The following DGKZ variants were observed in gnomAD, a reference collection of about 807,000 sequenced individuals.
The protein encoded by DGKZ is DAG kinase zeta.
Under a neutral mutation model 142.5 loss-of-function variants are expected in DGKZ, and 45 were observed. That is an observed-to-expected ratio of 0.32 (90% CI 0.25 to 0.40). The LOEUF (loss-of-function observed/expected upper bound fraction) is 0.40, where lower values mean the gene tolerates loss of function less well. Among genes scored for constraint, DGKZ ranks in the 10% least tolerant of loss-of-function variants. The probability of loss-of-function intolerance (pLI) is 1.00; values close to 1 mark genes in which losing one functional copy is unlikely to be tolerated. For synonymous variants in DGKZ, 442 were observed against 527.0 expected (o/e 0.84, Z 2.21); for missense variants, 755 against 1,306.5 (o/e 0.58, Z 6.51).
At chr11:46,335,427 G>GCACACA (rs56935902) in intron 1 of DGKZ, among the ~76,000 whole-genome samples, 8 of 147,842 alleles carry the variant, frequency 5.4e-5, no homozygotes, top group African/African-American at 2.0e-4. Flanking sequence ...ACACGTGCAC[G>GCACACA]CACACACACA....
At chr11:46,355,678 T>A (rs1351032057) in intron 1 of DGKZ, among the ~76,000 whole-genome samples, 1 of 146,238 alleles carries the variant, frequency 6.8e-6, no homozygotes, top group Non-Finnish European at 1.5e-5. Flanking sequence ...GAGAGTGGGG[T>A]GGGGCCCTGG....
Position 46,372,249 on chromosome 11 carries a change from A to G in DGKZ, c.927+79A>G. 7.0e-7 allele frequency: 1 copy of G among 1,431,376 alleles called. No homozygotes were observed. The highest frequency in any genetic ancestry group is 9.5e-7 in the Non-Finnish European group (1 of 1,052,608). 88.7% of individuals were successfully genotyped at this position (1,431,376 alleles called of 1,614,324 possible). ...CCCGTCTGCCAGCAGCTGTTCCCAG[A>G]GCCCGTTTCTGGCTTCTACCCCAAT... On this transcript the variant is annotated intron_variant, in intron 10 of 30. Coordinates refer to ENST00000527911, the Ensembl canonical transcript of DGKZ. This position sits in a 1 kb window ranked among gnomAD's most constrained non-coding sequence, Gnocchi z 5.9.
Position 46,375,645 on chromosome 11 carries a change from TGC to T in DGKZ, c.1910+15_1910+16del, listed in dbSNP as rs1306169367. 2 of 1,544,202 alleles carry T rather than the reference TGC, an allele frequency of 1.3e-6. No individual in the cohort carries two copies. Among genetic ancestry groups the T allele is most frequent in the Non-Finnish European group, 1.7e-6 (2 of 1,149,698 alleles). Reference sequence around the variant, plus strand: ...CCTGCACAGCGAGTACGTCCCACCCTGCCACGTGCCCTGGGTGCCAAGGCCAG... The same window carrying T: ...CCTGCACAGCGAGTACGTCCCACCCTCACGTGCCCTGGGTGCCAAGGCCAG... On this transcript the variant is annotated intron_variant, in intron 20 of 30. Transcript: ENST00000527911.
At chr11:46,377,585 C>A in intron 25 of DGKZ, 1 of 285,856 alleles carries the variant, frequency 3.5e-6, no homozygotes, top group Non-Finnish European at 6.6e-6. Context: ...CATCTCCATA[C>A]CACGGTCAAC....
chr11:46,369,697 C>T (rs573795420), intron 5 of DGKZ, 147 bp downstream of exon 5: 432 of 1,100,768 alleles, frequency 3.9e-4, no homozygotes, highest in Non-Finnish European at 5.2e-4. Flanking sequence ...ATGCGGAGGC[C>T]TAACTAGCGC....
intron 1 of DGKZ, among the ~76,000 whole-genome samples, chr11:46,352,260 G>T (rs935557341): frequency 6.6e-6 from 1 of 152,242 alleles, no homozygotes; most frequent in Non-Finnish European, 1.5e-5. Context: ...AGGTGTGGAA[G>T]CAGCCCCTGG....
chr11:46,342,039 A>G (rs1384031354), intron 1 of DGKZ, among the ~76,000 whole-genome samples: 1 of 152,106 alleles, frequency 6.6e-6, no homozygotes, highest in Admixed American at 6.6e-5. Context: ...GCCCTGGTAC[A>G]TTTCTTTTCC....
In DGKZ at chr11:46,363,480, G is replaced by A. The variant is rs371949375; in HGVS notation, c.162-3811G>A. The stretch of plus-strand genomic sequence containing the variant: ...GCTGGGAGGGGCGGCATCATCGGCC[G>A]CCGAGGAGACTCCTGGACAGATGTG... On this transcript the variant is annotated intron_variant, in intron 1 of 30. Transcript: ENST00000527911. 1.3e-4 allele frequency among the ~76,000 whole-genome samples: 20 copies of A among 152,204 alleles called. 1 individual carries two copies. The highest frequency in any genetic ancestry group is 5.9e-4 in the Admixed American group (9 of 15,288).
At chr11:46,362,008 T>TCACC (rs1306533444) in intron 1 of DGKZ, 1 of 152,320 alleles carries the variant, frequency 6.6e-6, no homozygotes, top group Non-Finnish European at 1.5e-5. Context: ...GTGGTGAGTC[T>TCACC]CAGCCTGGGG....
At chr11:46,379,340 C>T (rs1013575663) in intron 29 of DGKZ, 104 bp downstream of exon 29, 23 of 1,577,314 alleles carry the variant, frequency 1.5e-5, no homozygotes, top group Non-Finnish European at 2.0e-5. Context: ...CTGGTCACAT[C>T]TGTCATCCCC....
intron 1 of DGKZ, among the ~76,000 whole-genome samples, chr11:46,340,053 C>T (rs113182643): frequency 6.6e-6 from 1 of 152,182 alleles, no homozygotes; most frequent in African/African-American, 2.4e-5. Flanking sequence ...CCGCAGCTTA[C>T]AAATGAGGAG....
chr11:46,338,495 CAAAAAAAAAAAAAAAAA>C (rs11337933), intron 1 of DGKZ: 1 of 18,154 alleles, frequency 5.5e-5, no homozygotes, highest in Non-Finnish European at 1.6e-4. Context: ...AACTCCATCT[CAAAAAAAAAAAAAAAAA>C]AAAAAAAAAA....
chr11:46,374,176 A>G (rs746121390), exon 15 of DGKZ: 3 of 1,614,222 alleles, frequency 1.9e-6, no homozygotes, highest in East Asian at 2.2e-5. Flanking sequence ...GATGTCTTCA[A>G]CAACTACTTC....
chr11:46,343,399 G>A (rs138899895), upstream of DGKZ, among the ~76,000 whole-genome samples: 12 of 152,256 alleles, frequency 7.9e-5, no homozygotes, highest in Admixed American at 4.6e-4. Context: ...TTTAAGGGTC[G>A]GGATAGCATC....
At chr11:46,351,169 T>G (rs769223724) in intron 1 of DGKZ, among the ~76,000 whole-genome samples, 16 of 152,142 alleles carry the variant, frequency 1.1e-4, no homozygotes, top group Non-Finnish European at 2.1e-4. Flanking sequence ...GCTTATCCTC[T>G]GGCCTGGTCT....
At chr11:46,366,083 C>G in intron 1 of DGKZ, 1 of 985,388 alleles carries the variant, frequency 1.0e-6, no homozygotes, top group Non-Finnish European at 1.2e-6. Context: ...GTGACCCCTC[C>G]CTCCCTCAGG....
At position 46,378,973 on chromosome 11, in the gene DGKZ, C is replaced by A; in HGVS notation, c.2419-18C>A. On this transcript the variant is annotated intron_variant, in intron 27 of 30. Transcript: ENST00000527911. The stretch of plus-strand genomic sequence containing the variant: ...GTGGCCCCAGGAGGTCCAGCCCTGC[C>A]ATGCCTCCTGCCCTCAGCTCCAGGA... 1.3e-6 allele frequency: 2 copies of A among 1,521,648 alleles called. No homozygotes were observed. Among genetic ancestry groups the A allele is most frequent in the East Asian group, 2.3e-5 (1 of 43,864 alleles). The allele number at this position is 1,521,648 out of a possible 1,614,324, so 94.3% of individuals were successfully genotyped here. A position where few individuals can be genotyped will look rare whatever the true frequency, so the allele number is the denominator to read the frequency against.
At chr11:46,346,870 TTG>T (rs1177680388), upstream of DGKZ, among the ~76,000 whole-genome samples, 28 of 152,306 alleles carry the variant, frequency 1.8e-4, 1 homozygote, top group South Asian at 5.8e-3. Context: ...TAGGAGAAAC[TTG>T]TGAGTTCTTT....
chr11:46,345,307 C>A (rs999467683), upstream of DGKZ: 1 of 1,378,482 alleles, frequency 7.3e-7, no homozygotes, highest in Non-Finnish European at 9.3e-7. This position sits in a 1 kb window ranked among gnomAD's most constrained non-coding sequence, Gnocchi z 4.1. Flanking sequence ...GAGCCCTGAG[C>A]CTGTGGTCCT....
Sources: allele counts gnomAD v4.1 joint callset (sites outside exome capture counted in the v4.1 genomes callset), GRCh38; gene constraint gnomAD v4.1.1; non-coding constraint Gnocchi (gnomAD v3.1); transcripts MANE v1.5; gene names NCBI Gene and HGNC (gene_info 2026-07-23, HGNC 2026-07-21).